Variants in BCO2 observed in about 807,000 individuals in gnomAD.
BCO2 encodes the protein carotenoid-cleaving dioxygenase, mitochondrial.
Under a neutral mutation model 65.8 loss-of-function variants are expected in BCO2, and 56 were observed. The ratio of observed to expected loss-of-function variants is 0.85; its 90% CI spans 0.69 to 1.06. The LOEUF (loss-of-function observed/expected upper bound fraction) is 1.06. Ranked by LOEUF, BCO2 falls within the 50% of genes least tolerant of loss-of-function variation. BCO2 has a pLI of 0.00. For synonymous variants in BCO2, 233 were observed against 242.3 expected, an observed-to-expected ratio of 0.96 and a Z score of 0.36; for missense variants, 675 against 698.5, an observed-to-expected ratio of 0.97 and a Z score of 0.38.
At chr11:112,194,382 C>T in intron 4 of BCO2, 1 of 429,666 alleles carries the variant, frequency 2.3e-6, no homozygotes, top group Non-Finnish European at 4.1e-6. Context: ...AATTTTAATT[C>T]TTATGCTTCT....
At chr11:112,188,204 A>T (rs1345565537) in intron 2 of BCO2, among the ~76,000 whole-genome samples, 1 of 152,178 alleles carries the variant, frequency 6.6e-6, no homozygotes, top group Admixed American at 6.5e-5. Context: ...TGTCTTCTCC[A>T]TCCCAGTTAA....
At chr11:112,191,304 G>T (rs1352943786) in intron 2 of BCO2, among the ~76,000 whole-genome samples, 1 of 152,004 alleles carries the variant, frequency 6.6e-6, no homozygotes, top group Admixed American at 6.6e-5. Flanking sequence ...AAAAGGTAAG[G>T]TCATAGGATG....
At chr11:112,194,147 G>A (rs527571556) in intron 4 of BCO2, 153 bp downstream of exon 4, 2 of 588,084 alleles carry the variant, frequency 3.4e-6, no homozygotes, top group South Asian at 4.3e-5. Context: ...TTACTCTCTG[G>A]CCTGATGGCC....
chr11:112,189,083 A>G (rs948593204), intron 2 of BCO2, among the ~76,000 whole-genome samples: 2 of 152,250 alleles, frequency 1.3e-5, no homozygotes, highest in African/African-American at 4.8e-5. Flanking sequence ...ACAATGGAGA[A>G]GAAATAATTG....
Position 112,175,542 on chromosome 11 carries a change from A to G in BCO2, c.-60A>G, listed in dbSNP as rs756920894. 21 of 1,221,728 alleles carry G rather than the reference A, an allele frequency of 1.7e-5. No individual in the cohort carries two copies. The highest frequency in any genetic ancestry group is 2.5e-5 in the Non-Finnish European group (21 of 824,430). The allele number at this position is 1,221,728 out of a possible 1,614,324, so 75.7% of individuals were successfully genotyped here. A position where few individuals can be genotyped will look rare whatever the true frequency, so the allele number is the denominator to read the frequency against. On this transcript the variant is annotated 5_prime_UTR_variant, in exon 1 of 12. Coordinates refer to ENST00000357685, the MANE Select transcript of BCO2 (RefSeq NM_031938.7). Reference sequence around the variant, plus strand: ...GTTCTGTGCGTGTTCACTGTTTAGTAGTACTCAAAACTGCCAGTGTGAGAG... The same window carrying G: ...GTTCTGTGCGTGTTCACTGTTTAGTGGTACTCAAAACTGCCAGTGTGAGAG...
chr11:112,200,416 A>G, intron 6 of BCO2, 197 bp from the exon 7 acceptor site: 1 of 500,492 alleles, frequency 2.0e-6, no homozygotes, highest in Non-Finnish European at 3.5e-6. Flanking sequence ...AAGCTATTCT[A>G]AGCAGTTCCC....
chr11:112,218,034 G>A lies in BCO2; in HGVS notation c.*160G>A. The A allele has an allele frequency of 1.8e-6, 1 of 562,404 alleles. No homozygotes were observed. Among genetic ancestry groups the A allele is most frequent in the Non-Finnish European group, 3.1e-6 (1 of 319,582 alleles). 34.8% of individuals were successfully genotyped at this position (562,404 alleles called of 1,614,324 possible). Reference sequence around the variant, plus strand: ...TGAATACTATGTTCCCTATTTGGGTGATGGGTTCGTTAGAAGTCCAAACCT... The same window carrying A: ...TGAATACTATGTTCCCTATTTGGGTAATGGGTTCGTTAGAAGTCCAAACCT... On this transcript the variant is annotated 3_prime_UTR_variant, in exon 12 of 12. Transcript: ENST00000357685.
At chr11:112,187,404 C>T (rs920036644) in intron 2 of BCO2, among the ~76,000 whole-genome samples, 4 of 151,530 alleles carry the variant, frequency 2.6e-5, no homozygotes, top group African/African-American at 9.7e-5. Context: ...TACAACCTTG[C>T]TGATTGATTC....
At chr11:112,187,287 C>T (rs757238135) in intron 2 of BCO2, among the ~76,000 whole-genome samples, 1 of 152,168 alleles carries the variant, frequency 6.6e-6, no homozygotes, top group Non-Finnish European at 1.5e-5. Context: ...CTTCCTTTGC[C>T]CTGGTGGTCA....
chr11:112,185,426 G>T (rs77432512), intron 2 of BCO2, among the ~76,000 whole-genome samples: 1 of 152,094 alleles, frequency 6.6e-6, no homozygotes, highest in African/African-American at 2.4e-5. Context: ...GAAGGAATCT[G>T]CTTTGTTTTA....
chr11:112,197,353 G>GC (rs1296577334), intron 5 of BCO2, among the ~76,000 whole-genome samples: 1 of 152,082 alleles, frequency 6.6e-6, no homozygotes, highest in Non-Finnish European at 1.5e-5. Flanking sequence ...GTTGAGACCA[G>GC]CCTGGACAAT....
At chr11:112,209,669 A>G (rs1859453123) in intron 8 of BCO2, among the ~76,000 whole-genome samples, 1 of 152,150 alleles carries the variant, frequency 6.6e-6, no homozygotes, top group Non-Finnish European at 1.5e-5. Context: ...TTTCTGCACT[A>G]TTGAGATAAT....
Position 112,217,770 on chromosome 11 carries a change from A to T in BCO2, c.1636A>T (p.Asn546Tyr). Residue 546 changes from asparagine to tyrosine, a missense_variant, in exon 12 of 12, where the codon AAT (asparagine) becomes TAT (tyrosine). Coordinates refer to ENST00000357685, the MANE Select transcript of BCO2 (RefSeq NM_031938.7). ...VVITPNQNES[N>Y]FILVLDAKNF... ...GTCTTTTCTTTTCTAGAATGAAAGC[A>T]ATTTTATCCTAGTTTTGGATGCCAA... 6.2e-7 allele frequency: 1 copy of T among 1,610,014 alleles called. No individual in the cohort carries two copies. Among genetic ancestry groups the T allele is most frequent in the Non-Finnish European group, 8.5e-7 (1 of 1,177,464 alleles).
intron 2 of BCO2, chr11:112,181,111 C>A: frequency 6.8e-7 from 1 of 1,470,888 alleles, no homozygotes; most frequent in Non-Finnish European, 9.5e-7. Flanking sequence ...AAGAACCTGA[C>A]AGTATGCTGG....
intron 2 of BCO2, chr11:112,182,751 T>C: frequency 1.8e-6 from 1 of 557,862 alleles, no homozygotes; most frequent in Non-Finnish European, 3.1e-6. Context: ...ATACCTAATG[T>C]AAATGATGAG....
rs1016017287 is a variant in BCO2 at position 112,218,007 on chromosome 11, A to G, written c.*133A>G. Reference sequence around the variant, plus strand: ...AGGGGCAGGGGTTAAAAAGCTACCTATTGAATACTATGTTCCCTATTTGGG... The same window carrying G: ...AGGGGCAGGGGTTAAAAAGCTACCTGTTGAATACTATGTTCCCTATTTGGG... On this transcript the variant is annotated 3_prime_UTR_variant, in exon 12 of 12. Transcript: ENST00000357685. 12 of 623,928 alleles carry G rather than the reference A, an allele frequency of 1.9e-5. 1 individual carries two copies. In the Admixed American group the frequency reaches 3.3e-4, roughly 17 times the overall value. 38.6% of individuals were successfully genotyped at this position (623,928 alleles called of 1,614,324 possible).
intron 9 of BCO2, 192 bp from the exon 10 acceptor site, chr11:112,214,570 T>G (rs1198943812): frequency 8.6e-6 from 5 of 578,490 alleles, no homozygotes; most frequent in Non-Finnish European, 1.5e-5. Flanking sequence ...TGACAGCTTA[T>G]TAATAAAACT....
At chr11:112,207,102 C>T (rs1859364824) in intron 8 of BCO2, among the ~76,000 whole-genome samples, 1 of 152,142 alleles carries the variant, frequency 6.6e-6, no homozygotes, top group Admixed American at 6.5e-5. Flanking sequence ...TTTCTATGTG[C>T]ACAGTCATGT....
chr11:112,210,468 T>G (rs950424257), intron 8 of BCO2, among the ~76,000 whole-genome samples: 3 of 152,224 alleles, frequency 2.0e-5, no homozygotes, highest in Non-Finnish European at 4.4e-5. Context: ...TCTTGTTTAT[T>G]CTTATTCATA....
Sources: gnomAD v4.1 joint callset for allele counts (sites outside exome capture counted in the v4.1 genomes callset) on GRCh38, gnomAD v4.1.1 for gene constraint, MANE v1.5 for transcripts, NCBI Gene and HGNC (gene_info 2026-07-23, HGNC 2026-07-21) for gene names.